BRINP3: variants seen among roughly 807,000 people sequenced by gnomAD.
BRINP3 encodes the protein BMP/retinoic acid inducible neural specific 3.
In BRINP3, 19 loss-of-function variants were observed where a neutral mutation model predicts 71.0. The ratio of observed to expected loss-of-function variants is 0.27; its 90% CI spans 0.19 to 0.39. The LOEUF (loss-of-function observed/expected upper bound fraction) is 0.39, where lower values mean the gene tolerates loss of function less well. Among genes scored for constraint, BRINP3 ranks in the 10% least tolerant of loss-of-function variants. The pLI, the probability that BRINP3 is intolerant of heterozygous loss-of-function variation, is 1.00. For missense variants in BRINP3, 959 were observed against 940.8 expected (o/e 1.02, Z -0.25); for synonymous variants, 380 against 337.7 (o/e 1.13, Z -1.37).
At chr1:190,365,821 T>TATATATAC in intron 2 of BRINP3, among the ~76,000 whole-genome samples, 1 of 145,674 alleles carries the variant, frequency 6.9e-6, no homozygotes, top group Non-Finnish European at 1.5e-5. Context: ...TATATATATA[T>TATATATAC]ATATATATAT....
intron 2 of BRINP3, among the ~76,000 whole-genome samples, chr1:190,426,098 T>C (rs1261252951): frequency 1.3e-5 from 2 of 151,784 alleles, no homozygotes; most frequent in Non-Finnish European, 2.9e-5. Flanking sequence ...AATCTGAGGA[T>C]TGTAAAAGTT....
At chr1:190,112,916 T>G (rs1415659393) in intron 7 of BRINP3, among the ~76,000 whole-genome samples, 1 of 152,136 alleles carries the variant, frequency 6.6e-6, no homozygotes, top group Non-Finnish European at 1.5e-5. Flanking sequence ...GGGCTCCATA[T>G]TAAAAGAAAA....
rs552269764 is a variant in BRINP3 at position 190,273,049 on chromosome 1, ATC to A, written c.428-7996_428-7995del. Reference sequence around the variant, plus strand: ...AATAGGCCTTTCTTTCCTGTAAGAGATCTGTTTTTTTTTTTCAATTGTGCATA... The same window carrying A: ...AATAGGCCTTTCTTTCCTGTAAGAGATGTTTTTTTTTTTCAATTGTGCATA... On this transcript the variant is annotated intron_variant, in intron 3 of 7. Coordinates refer to ENST00000367462, the MANE Select transcript of BRINP3 (RefSeq NM_199051.3). Among the ~76,000 whole-genome samples, 34 of 127,378 alleles carry A rather than the reference ATC, an allele frequency of 2.7e-4. 2 individuals are homozygous for A. In the South Asian group the frequency reaches 7.8e-3, roughly 29 times the overall value. The allele number at this position is 127,378 out of a possible 152,430, so 83.6% of individuals were successfully genotyped here.
intron 7 of BRINP3, among the ~76,000 whole-genome samples, chr1:190,152,946 A>G (rs1197468992): frequency 6.6e-6 from 1 of 152,154 alleles, no homozygotes; most frequent in Non-Finnish European, 1.5e-5. Flanking sequence ...TAATAAAGTG[A>G]AAGATAATTA....
chr1:190,324,873 A>T (rs1014099786), intron 2 of BRINP3, among the ~76,000 whole-genome samples: 1 of 151,950 alleles, frequency 6.6e-6, no homozygotes, highest in African/African-American at 2.4e-5. Context: ...ACCTTAAAAT[A>T]AGTGTGATAC....
chr1:190,190,066 CG>C (rs1653898559), intron 6 of BRINP3, among the ~76,000 whole-genome samples: 1 of 152,002 alleles, frequency 6.6e-6, no homozygotes, highest in South Asian at 2.1e-4. Flanking sequence ...GGACCTTGGG[CG>C]AATGATATTA....
At chr1:190,139,967 G>A (rs1170458406) in intron 7 of BRINP3, among the ~76,000 whole-genome samples, 1 of 152,168 alleles carries the variant, frequency 6.6e-6, no homozygotes, top group Non-Finnish European at 1.5e-5. Context: ...CGATAAAAAT[G>A]TAATATGACA....
chr1:190,361,119 T>C (rs1162324908), intron 2 of BRINP3, among the ~76,000 whole-genome samples: 1 of 151,852 alleles, frequency 6.6e-6, no homozygotes, highest in African/African-American at 2.4e-5. Flanking sequence ...CAAGCATAGA[T>C]ACCATGGTGG....
chr1:190,399,142 CTA>C (rs1671766797), intron 2 of BRINP3, among the ~76,000 whole-genome samples: 1 of 151,886 alleles, frequency 6.6e-6, no homozygotes, highest in East Asian at 1.9e-4. Flanking sequence ...ACAATATAAA[CTA>C]AATTCTATAA....
At chr1:190,306,542 C>T (rs1037649575) in intron 2 of BRINP3, among the ~76,000 whole-genome samples, 1 of 151,840 alleles carries the variant, frequency 6.6e-6, no homozygotes, top group Non-Finnish European at 1.5e-5. Context: ...GAATTAAAGA[C>T]TAAACTAGGT....
intron 2 of BRINP3, among the ~76,000 whole-genome samples, chr1:190,357,065 T>G (rs184516687): frequency 3.4e-4 from 51 of 152,054 alleles, no homozygotes; most frequent in African/African-American, 1.2e-3. Flanking sequence ...TGTTCCCCCA[T>G]TTCTTTTTCT....
At chr1:190,171,015 T>C (rs963614272) in intron 6 of BRINP3, among the ~76,000 whole-genome samples, 9 of 152,230 alleles carry the variant, frequency 5.9e-5, no homozygotes, top group Non-Finnish European at 1.2e-4. Context: ...TGGAGAAAAG[T>C]TGCTGAACAC....
chr1:190,341,111 A>C (rs560268734), intron 2 of BRINP3, among the ~76,000 whole-genome samples: 17 of 151,840 alleles, frequency 1.1e-4, no homozygotes, highest in Non-Finnish European at 1.5e-4. Flanking sequence ...TCCGTGGTCC[A>C]GTCATCTGGA....
At chr1:190,215,839 A>C (rs1656365990) in intron 6 of BRINP3, among the ~76,000 whole-genome samples, 1 of 151,912 alleles carries the variant, frequency 6.6e-6, no homozygotes, top group Admixed American at 6.6e-5. Flanking sequence ...AATACACCTT[A>C]GATATTCTAT....
In BRINP3 at chr1:190,098,687, T is replaced by G; in HGVS notation, c.1632A>C (p.Ser544=). 1 of 1,614,164 alleles carries G rather than the reference T, an allele frequency of 6.2e-7. No individual in the cohort carries two copies. The highest frequency in any genetic ancestry group is 1.1e-5 in the South Asian group (1 of 91,082). ...LLTLKSNKYK[S]SLVHMILGLS... is the part of the protein sequence containing the mutation. ...GACCCAAAATCATATGGACCAGACT[T>G]GACTTGTACTTATTGCTCTTCAAGG... Residue 544 remains serine, a synonymous_variant, in exon 8 of 8, where the codon TCA becomes TCC. Coordinates refer to ENST00000367462, the MANE Select transcript of BRINP3 (RefSeq NM_199051.3).
intron 2 of BRINP3, among the ~76,000 whole-genome samples, chr1:190,378,192 C>T (rs147618695): frequency 7.2e-5 from 11 of 152,196 alleles, no homozygotes; most frequent in South Asian, 4.1e-4. Flanking sequence ...TTTGTCTAGA[C>T]GTAAACATGT....
intron 2 of BRINP3, among the ~76,000 whole-genome samples, chr1:190,310,555 T>C (rs1490116719): frequency 6.6e-6 from 1 of 151,754 alleles, no homozygotes; most frequent in Non-Finnish European, 1.5e-5. Flanking sequence ...CATGCCATTT[T>C]TTAAATAAAT....
At chr1:190,270,129 A>T (rs190242172) in intron 3 of BRINP3, among the ~76,000 whole-genome samples, 33 of 152,020 alleles carry the variant, frequency 2.2e-4, no homozygotes, top group African/African-American at 7.0e-4. Context: ...AAGTATAAAG[A>T]TATATGTATT....
chr1:190,183,436 G>A (rs1196663542), intron 6 of BRINP3, among the ~76,000 whole-genome samples: 58 of 152,136 alleles, frequency 3.8e-4, no homozygotes. Flanking sequence ...TCTGCTCAAA[G>A]GGGGAATAAA....
Sources: gnomAD v4.1 joint callset for allele counts (sites outside exome capture counted in the v4.1 genomes callset) on GRCh38, gnomAD v4.1.1 for gene constraint, MANE v1.5 for transcripts, NCBI Gene and HGNC (gene_info 2026-07-23, HGNC 2026-07-21) for gene names.